Variants in NDUFAB1 observed in about 807,000 individuals in gnomAD.
NDUFAB1 encodes NADH:ubiquinone oxidoreductase subunit AB1.
In NDUFAB1, 5 loss-of-function variants were observed where a neutral mutation model predicts 16.1. The ratio of observed to expected loss-of-function variants is 0.31; its 90% CI spans 0.16 to 0.65. The LOEUF (loss-of-function observed/expected upper bound fraction) is 0.65, where lower values mean the gene tolerates loss of function less well. Ranked by LOEUF, NDUFAB1 falls within the 30% of genes least tolerant of loss-of-function variation. The probability of loss-of-function intolerance (pLI) is 0.77; values close to 1 mark genes in which losing one functional copy is unlikely to be tolerated. For missense variants in NDUFAB1, 187 were observed against 205.3 expected, an observed-to-expected ratio of 0.91 and a Z score of 0.54; for synonymous variants, 85 against 78.4, an observed-to-expected ratio of 1.08 and a Z score of -0.44.
intron 3 of NDUFAB1, among the ~76,000 whole-genome samples, chr16:23,582,875 T>C (rs957220889): frequency 6.6e-6 from 1 of 151,444 alleles, no homozygotes; most frequent in African/African-American, 2.4e-5. Context: ...GAGCCGAAGC[T>C]GGACTGTACT....
At chr16:23,585,022 G>A (rs1966221338) in intron 3 of NDUFAB1, among the ~76,000 whole-genome samples, 1 of 152,202 alleles carries the variant, frequency 6.6e-6, no homozygotes, top group Non-Finnish European at 1.5e-5. Flanking sequence ...TGTGTTCCGG[G>A]GAGGCTTTTG....
At chr16:23,596,081 C>T in intron 1 of NDUFAB1, 42 bp downstream of exon 1, 1 of 1,593,912 alleles carries the variant, frequency 6.3e-7, no homozygotes, top group Non-Finnish European at 8.5e-7. Context: ...CGGGCCCAAT[C>T]CCTGACCCTT....
At chr16:23,586,694 G>A (rs904763438) in intron 2 of NDUFAB1, among the ~76,000 whole-genome samples, 5 of 149,078 alleles carry the variant, frequency 3.4e-5, no homozygotes, top group Non-Finnish European at 5.9e-5. Context: ...TGTTGCCTAG[G>A]CTGGACTGCA....
chr16:23,592,492 A>G (rs1225427907), intron 1 of NDUFAB1, among the ~76,000 whole-genome samples: 1 of 151,994 alleles, frequency 6.6e-6, no homozygotes, highest in Non-Finnish European at 1.5e-5. Context: ...ATGGGAAGGG[A>G]CTGGGACTTT....
intron 1 of NDUFAB1, among the ~76,000 whole-genome samples, chr16:23,587,673 G>A (rs941819197): frequency 1.1e-4 from 16 of 152,220 alleles, no homozygotes; most frequent in African/African-American, 3.1e-4. Context: ...TCAGCATCCC[G>A]AGGCCTCTAC....
chr16:23,583,773 T>C (rs924403547), intron 3 of NDUFAB1, among the ~76,000 whole-genome samples: 2 of 149,926 alleles, frequency 1.3e-5, no homozygotes, highest in African/African-American at 2.5e-5. Flanking sequence ...CAACAGCTCA[T>C]TGAGAACGGG....
chr16:23,596,037 T>C (rs1966322740), intron 1 of NDUFAB1, 86 bp downstream of exon 1: 1 of 1,479,388 alleles, frequency 6.8e-7, no homozygotes, highest in Non-Finnish European at 9.0e-7. Context: ...TGCCTGCAGC[T>C]GGCGCGCCCC....
chr16:23,584,250 TCAATTAAA>T (rs1966211687), intron 3 of NDUFAB1, among the ~76,000 whole-genome samples: 19 of 6,474 alleles, frequency 2.9e-3, no homozygotes, highest in East Asian at 0.012. Flanking sequence ...CCAAGAATGA[TCAATTAAA>T]AAAAAAAAAA....
At chr16:23,589,102 AG>A (rs1966257351) in intron 1 of NDUFAB1, among the ~76,000 whole-genome samples, 1 of 152,104 alleles carries the variant, frequency 6.6e-6, no homozygotes. Context: ...GTTCGACACT[AG>A]CCTGACCAAC....
intron 3 of NDUFAB1, among the ~76,000 whole-genome samples, chr16:23,583,675 A>G (rs1187798091): frequency 0.026 from 3,381 of 128,980 alleles, 505 homozygotes; most frequent in African/African-American, 0.059. Context: ...CCGTCTGAGA[A>G]GTGAGGAGCC....
At chr16:23,583,906 T>G (rs1361948186) in intron 3 of NDUFAB1, among the ~76,000 whole-genome samples, 1 of 152,090 alleles carries the variant, frequency 6.6e-6, no homozygotes, top group Non-Finnish European at 1.5e-5. Context: ...CATTTTGTTC[T>G]GTACTAAGAA....
rs1966185712 is a variant in NDUFAB1, at chr16:23,582,278, G to C, written c.*6C>G. On this transcript the variant is annotated splice_region_variant and 3_prime_UTR_variant, in exon 4 of 5. Coordinates refer to ENST00000007516, the MANE Select transcript of NDUFAB1 (RefSeq NM_005003.3). Reference sequence around the variant, plus strand: ...CATCATTTTTTAAGTCTATTTACCTGATACTTTATTCATATACATCCTTCT... The same window carrying C: ...CATCATTTTTTAAGTCTATTTACCTCATACTTTATTCATATACATCCTTCT... 2.0e-6 allele frequency: 3 copies of C among 1,510,644 alleles called. No homozygotes were observed. The South Asian group carries it at 4.0e-5, about 20-fold the overall frequency. 93.6% of individuals were successfully genotyped at this position (1,510,644 alleles called of 1,614,324 possible).
At chr16:23,588,795 T>A (rs974657682) in intron 1 of NDUFAB1, among the ~76,000 whole-genome samples, 37 of 152,074 alleles carry the variant, frequency 2.4e-4, no homozygotes, top group Admixed American at 2.3e-3. Flanking sequence ...CTGGCCAACA[T>A]GGTGAAGCCT....
intron 1 of NDUFAB1, among the ~76,000 whole-genome samples, chr16:23,592,873 A>T (rs1016432367): frequency 1.3e-5 from 2 of 152,214 alleles, no homozygotes. Context: ...AGGTAGCATG[A>T]GCAATGGTCC....
chr16:23,589,487 C>T (rs546278069), intron 1 of NDUFAB1, among the ~76,000 whole-genome samples: 11 of 152,098 alleles, frequency 7.2e-5, no homozygotes, highest in South Asian at 4.2e-4. Context: ...ACATGACCGG[C>T]CTACTTAACA....
intron 1 of NDUFAB1, chr16:23,595,581 G>A (rs774628054): frequency 6.4e-5 from 29 of 455,948 alleles, no homozygotes; most frequent in Non-Finnish European, 1.1e-4. Context: ...TTGGTCAAAG[G>A]TCACTTGGCT....
chr16:23,595,890 G>A (rs534235955), intron 1 of NDUFAB1, among the ~76,000 whole-genome samples: 2 of 152,322 alleles, frequency 1.3e-5, no homozygotes, highest in East Asian at 3.9e-4. Flanking sequence ...TTCGGTAAGC[G>A]GCAGCCCAGC....
At chr16:23,584,250 TCAATTAAAAA>T (rs1567407381) in intron 3 of NDUFAB1, among the ~76,000 whole-genome samples, 17 of 6,474 alleles carry the variant, frequency 2.6e-3, no homozygotes, top group Non-Finnish European at 3.1e-3. Flanking sequence ...CCAAGAATGA[TCAATTAAAAA>T]AAAAAAAAAA....
chr16:23,587,289 G>A lies in NDUFAB1; in HGVS notation c.199C>T (p.Gln67Ter). 6.2e-7 allele frequency: 1 copy of A among 1,614,020 alleles called. No homozygotes were observed. The highest frequency in any genetic ancestry group is 1.1e-5 in the South Asian group (1 of 91,080). Residue 67 changes from glutamine (Q) to a stop codon, truncating the protein, a stop_gained, in exon 2 of 5, where the codon CAG becomes TAG. Transcript: ENST00000007516. LOFTEE classifies it high-confidence loss of function. ...GTCAAAGGAGGCATGTCGCTATACT[G>A]GCGGCACAACTGTGTAACTCTACCA... ...VPGRVTQLCR[Q>*]YSDMPPLTLE...
Sources: gnomAD v4.1 joint callset for allele counts (sites outside exome capture counted in the v4.1 genomes callset) on GRCh38, gnomAD v4.1.1 for gene constraint, MANE v1.5 for transcripts, NCBI Gene and HGNC (gene_info 2026-07-23, HGNC 2026-07-21) for gene names.